ADAMTS9: variants seen among roughly 807,000 people sequenced by gnomAD.
ADAMTS9 encodes the protein ADAM metallopeptidase with thrombospondin type 1 motif 9.
In ADAMTS9, 107 loss-of-function variants were observed where a neutral mutation model predicts 257.1. That is an observed-to-expected ratio of 0.42 (90% CI 0.36 to 0.49). The LOEUF (loss-of-function observed/expected upper bound fraction) is 0.49. ADAMTS9 is among the 20% of genes least tolerant of loss of function. The pLI, the probability that ADAMTS9 is intolerant of heterozygous loss-of-function variation, is 0.03. For missense variants in ADAMTS9, 2,353 were observed against 2,469.1 expected (o/e 0.95, Z 1.00); for synonymous variants, 982 against 880.9 (o/e 1.11, Z -2.03).
At chr3:64,537,032 A>G (rs1240366658) in intron 37 of ADAMTS9, among the ~76,000 whole-genome samples, 1 of 152,214 alleles carries the variant, frequency 6.6e-6, no homozygotes, top group Non-Finnish European at 1.5e-5. Flanking sequence ...CGCTTTCTAC[A>G]AACCTTTTCC....
Position 64,552,340 on chromosome 3 carries a change from T to C in ADAMTS9, c.4699-1278A>G, listed in dbSNP as rs146410321. 9.2e-5 allele frequency among the ~76,000 whole-genome samples: 14 copies of C among 152,294 alleles called. No homozygotes were observed. The East Asian group carries it at 2.7e-3, about 29-fold the overall frequency. ...CACCAAACCCCACCCCTGAAGTTTA[T>C]CCTTAGTGCCCTGTGTTGCTAAAGG... On this transcript the variant is annotated intron_variant, in intron 30 of 39. Transcript: ENST00000498707.
chr3:64,631,181 T>C (rs1017437101), intron 16 of ADAMTS9, among the ~76,000 whole-genome samples: 3 of 152,214 alleles, frequency 2.0e-5, no homozygotes, highest in Admixed American at 1.3e-4. Flanking sequence ...AGAGGATAAG[T>C]ACTTTCAAAA....
chr3:64,606,861 T>C lies in ADAMTS9; in HGVS notation c.3474+99A>G, dbSNP rs2084564467. 2.0e-6 allele frequency: 3 copies of C among 1,487,874 alleles called. No individual in the cohort carries two copies. In the South Asian group the frequency reaches 3.8e-5, roughly 19 times the overall value. The allele number at this position is 1,487,874 out of a possible 1,614,324, so 92.2% of individuals were successfully genotyped here. On this transcript the variant is annotated intron_variant, in intron 23 of 39. Coordinates refer to ENST00000498707, the MANE Select transcript of ADAMTS9 (RefSeq NM_182920.2). ...TAATCTACTGGTTGCTCTACTGACA[T>C]ACTTATCTATGAAAGGATTTCAATT...
At chr3:64,525,946 T>G in intron 38 of ADAMTS9, among the ~76,000 whole-genome samples, 1 of 123,816 alleles carries the variant, frequency 8.1e-6, no homozygotes, top group Non-Finnish European at 1.8e-5. Flanking sequence ...TAATATAATA[T>G]AATAAACATT....
chr3:64,671,385 T>G (rs1701483261), intron 3 of ADAMTS9, among the ~76,000 whole-genome samples: 1 of 152,190 alleles, frequency 6.6e-6, no homozygotes, highest in Non-Finnish European at 1.5e-5. Flanking sequence ...GTTCTATGAC[T>G]GTATACATTT....
At chr3:64,591,764 C>G (rs1248603351) in intron 28 of ADAMTS9, among the ~76,000 whole-genome samples, 1 of 152,198 alleles carries the variant, frequency 6.6e-6, no homozygotes, top group Non-Finnish European at 1.5e-5. Flanking sequence ...ATTCACACAG[C>G]AGCAGTTGCT....
intron 8 of ADAMTS9, among the ~76,000 whole-genome samples, chr3:64,651,743 A>G (rs1433272536): frequency 6.6e-6 from 1 of 152,220 alleles, no homozygotes; most frequent in Non-Finnish European, 1.5e-5. Context: ...AGTGGTATGC[A>G]TGGAAACCAG....
At chr3:64,574,150 T>G (rs1402065314) in intron 28 of ADAMTS9, among the ~76,000 whole-genome samples, 2 of 152,160 alleles carry the variant, frequency 1.3e-5, no homozygotes, top group African/African-American at 4.8e-5. Context: ...CTGAACTCAT[T>G]TGGCACAAGT....
chr3:64,579,276 C>T (rs528399889), intron 28 of ADAMTS9, among the ~76,000 whole-genome samples: 1 of 152,292 alleles, frequency 6.6e-6, no homozygotes, highest in South Asian at 2.1e-4. Flanking sequence ...TACTCTTCTC[C>T]CAGATACTTA....
chr3:64,609,854 A>T (rs1008458817), intron 22 of ADAMTS9, among the ~76,000 whole-genome samples: 3 of 152,144 alleles, frequency 2.0e-5, no homozygotes, highest in Non-Finnish European at 4.4e-5. Flanking sequence ...AGCTGGGGGA[A>T]TCATACCTCA....
intron 39 of ADAMTS9, among the ~76,000 whole-genome samples, chr3:64,521,961 G>A (rs1457163246): frequency 2.0e-5 from 3 of 152,196 alleles, no homozygotes; most frequent in East Asian, 3.8e-4. Context: ...CAGCTCTGTA[G>A]AGGGGAAGCC....
At chr3:64,586,172 G>T (rs1361440307) in intron 28 of ADAMTS9, among the ~76,000 whole-genome samples, 1 of 152,236 alleles carries the variant, frequency 6.6e-6, no homozygotes, top group South Asian at 2.1e-4. Context: ...CAACTTCTCT[G>T]ATGGTGCTGA....
At chr3:64,552,714 C>A (rs72885570) in intron 30 of ADAMTS9, among the ~76,000 whole-genome samples, 4 of 151,918 alleles carry the variant, frequency 2.6e-5, no homozygotes, top group African/African-American at 4.8e-5. Flanking sequence ...TGAGCCACCA[C>A]GCTCAGCTTA....
intron 18 of ADAMTS9, 65 bp from the exon 19 acceptor site, chr3:64,621,305 C>A: frequency 1.3e-6 from 2 of 1,515,534 alleles, no homozygotes; most frequent in South Asian, 1.3e-5. Flanking sequence ...ATTTAGACCC[C>A]GGATTGGCAA....
In ADAMTS9 at chr3:64,603,891, C is replaced by T. The variant is rs955127919; in HGVS notation, c.3747+31G>A. 6.2e-6 allele frequency: 10 copies of T among 1,609,182 alleles called. No homozygotes were observed. In the African/African-American group the frequency reaches 1.2e-4, roughly 19 times the overall value. On this transcript the variant is annotated intron_variant, in intron 25 of 39. Transcript: ENST00000498707. ...CATAGCCCTCAATGTTTCCCCCATT[C>T]CCCCTAATTCCAAATAATCCACTGG... is the stretch of plus-strand genomic sequence containing the variant.
At chr3:64,564,628 G>A (rs927933380) in intron 29 of ADAMTS9, among the ~76,000 whole-genome samples, 11 of 151,604 alleles carry the variant, frequency 7.3e-5, no homozygotes, top group South Asian at 2.1e-4. Flanking sequence ...TGGGGGGGGC[G>A]TTGTCGTGTG....
intron 28 of ADAMTS9, among the ~76,000 whole-genome samples, chr3:64,570,693 CTCAAAAAA>C (rs1170065928): frequency 1.7e-5 from 1 of 59,264 alleles, no homozygotes; most frequent in African/African-American, 8.7e-5. Flanking sequence ...AAGACTCCGT[CTCAAAAAA>C]AAAAAAAAAA....
intron 8 of ADAMTS9, 71 bp downstream of exon 8, chr3:64,654,282 G>A (rs544686051): frequency 7.0e-7 from 1 of 1,429,608 alleles, no homozygotes; most frequent in South Asian, 1.2e-5. Context: ...TCAAGTAAAT[G>A]CTCACTGATG....
At chr3:64,640,622 T>C (rs1055415702) in intron 12 of ADAMTS9, among the ~76,000 whole-genome samples, 2 of 152,174 alleles carry the variant, frequency 1.3e-5, no homozygotes, top group African/African-American at 4.8e-5. Context: ...GGTTTTTACA[T>C]CAAAAAATTG....
Sources: allele counts gnomAD v4.1 joint callset (sites outside exome capture counted in the v4.1 genomes callset), GRCh38; gene constraint gnomAD v4.1.1; transcripts MANE v1.5; gene names NCBI Gene and HGNC (gene_info 2026-07-23, HGNC 2026-07-21).